PTPRO: variants seen among roughly 807,000 people sequenced by gnomAD.
The protein encoded by PTPRO is receptor-type tyrosine-protein phosphatase O.
In PTPRO, 62 loss-of-function variants were observed where a neutral mutation model predicts 145.2. The observed-to-expected ratio is 0.43, with a 90% CI of 0.35 to 0.53. The LOEUF (loss-of-function observed/expected upper bound fraction) is 0.53, where lower values mean the gene tolerates loss of function less well. Among genes scored for constraint, PTPRO ranks in the 20% least tolerant of loss-of-function variants. PTPRO has a pLI of 0.01. For synonymous variants in PTPRO, 565 were observed against 514.7 expected (o/e 1.10, Z -1.32); for missense variants, 1,345 against 1,482.7 (o/e 0.91, Z 1.53).
intron 12 of PTPRO, among the ~76,000 whole-genome samples, chr12:15,541,766 C>T (rs1943184576): frequency 1.3e-5 from 2 of 152,148 alleles, no homozygotes; most frequent in African/African-American, 4.8e-5. Flanking sequence ...AATCCCAAAA[C>T]TTTGGGTGGC....
chr12:15,380,704 C>A (rs1938833431), intron 1 of PTPRO, among the ~76,000 whole-genome samples: 1 of 152,070 alleles, frequency 6.6e-6, no homozygotes, highest in African/African-American at 2.4e-5. Context: ...TAAATGTCAC[C>A]AATAGAACTA....
At chr12:15,338,378 A>G (rs1231085257) in intron 1 of PTPRO, among the ~76,000 whole-genome samples, 2 of 152,228 alleles carry the variant, frequency 1.3e-5, no homozygotes, top group Non-Finnish European at 2.9e-5. Context: ...AACAATAACT[A>G]CAATTGCAGG....
intron 10 of PTPRO, among the ~76,000 whole-genome samples, chr12:15,522,722 CTCAA>C: frequency 6.6e-6 from 1 of 152,194 alleles, no homozygotes; most frequent in South Asian, 2.1e-4. Flanking sequence ...TTGGCTAGCC[CTCAA>C]TCATAGTAAT....
intron 1 of PTPRO, among the ~76,000 whole-genome samples, chr12:15,432,100 G>T (rs556827676): frequency 2.0e-5 from 3 of 152,126 alleles, no homozygotes; most frequent in Admixed American, 2.0e-4. Context: ...CATCATCCAG[G>T]TATTATAATC....
intron 2 of PTPRO, among the ~76,000 whole-genome samples, chr12:15,485,655 T>G (rs1162330569): frequency 1.3e-5 from 2 of 152,160 alleles, no homozygotes; most frequent in Non-Finnish European, 2.9e-5. Context: ...TTTATGAGCA[T>G]GCACTCAGCC....
intron 1 of PTPRO, among the ~76,000 whole-genome samples, chr12:15,380,518 T>C (rs1459600810): frequency 6.6e-6 from 1 of 152,078 alleles, no homozygotes; most frequent in Non-Finnish European, 1.5e-5. Context: ...TTAAAAGACA[T>C]ATTGGGCCAA....
rs1291257758 is a variant in PTPRO at position 15,546,651 on chromosome 12, T to G, written c.2247T>G (p.Ala749=). 1 of 1,614,000 alleles carries G rather than the reference T, an allele frequency of 6.2e-7. No individual in the cohort carries two copies. The highest frequency in any genetic ancestry group is 1.7e-5 in the Admixed American group (1 of 60,016). Reference sequence around the variant, plus strand: ...TGCTGTGGGTGGAAGAGGGAGTAGCTGATTTCTTTGAAGTTTTCTGTCAAC... The same window carrying G: ...TGCTGTGGGTGGAAGAGGGAGTAGCGGATTTCTTTGAAGTTTTCTGTCAAC... ...VTLLWVEEGV[A]DFFEVFCQQV... Residue 749 remains alanine (A), a synonymous_variant, in exon 13 of 27, where the codon GCT becomes GCG. Transcript: ENST00000281171.
chr12:15,349,284 A>T (rs899906925), intron 1 of PTPRO, among the ~76,000 whole-genome samples: 1 of 152,222 alleles, frequency 6.6e-6, no homozygotes, highest in Non-Finnish European at 1.5e-5. Context: ...GGTACGATTT[A>T]GTACCATGTT....
chr12:15,416,305 TTCTC>T (rs1010264179), intron 1 of PTPRO, among the ~76,000 whole-genome samples: 2 of 144,520 alleles, frequency 1.4e-5, no homozygotes, highest in Admixed American at 7.0e-5. Flanking sequence ...TGGTTCCTCT[TTCTC>T]TCTCTCTCTC....
At position 15,322,794 on chromosome 12, in the gene PTPRO, T is replaced by C. The variant is rs373358416; in HGVS notation, c.68T>C (p.Leu23Pro). 7 of 1,612,420 alleles carry C rather than the reference T, an allele frequency of 4.3e-6. No homozygotes were observed. Among genetic ancestry groups the C allele is most frequent in the Non-Finnish European group, 5.9e-6 (7 of 1,179,444 alleles). ...RLLPLLWLFVLFKNATAFHVT... is the reference protein window; with the variant it reads ...RLLPLLWLFVPFKNATAFHVT... ...CTGCCTCTGCTCTGGCTCTTTGTGC[T>C]GTTCAAGGTAGGGGAGCTCCTCCAC... Residue 23 changes from leucine (L) to proline (P), a missense_variant, in exon 1 of 27, where the codon CTG becomes CCG. By Grantham distance (98) the Leu-to-Pro change is moderately conservative. Around this residue, in one of 3 missense-constraint regions of PTPRO, gnomAD observed 1,130 missense variants for 1,214.7 expected, o/e 0.93. Transcript: ENST00000281171. This position sits in a 1 kb window ranked among gnomAD's most constrained non-coding sequence, Gnocchi z 6.3.
intron 1 of PTPRO, among the ~76,000 whole-genome samples, chr12:15,324,386 T>C (rs1866386759): frequency 1.3e-5 from 2 of 152,202 alleles, no homozygotes; most frequent in African/African-American, 4.8e-5. Context: ...GGTAAGGTTT[T>C]GCAATTAAAA....
At chr12:15,461,228 C>T (rs1941293348) in intron 1 of PTPRO, among the ~76,000 whole-genome samples, 1 of 152,150 alleles carries the variant, frequency 6.6e-6, no homozygotes, top group Non-Finnish European at 1.5e-5. Context: ...TTTACATAAA[C>T]TCAACCAATT....
chr12:15,401,674 T>A (rs1267937152), intron 1 of PTPRO, among the ~76,000 whole-genome samples: 1 of 152,340 alleles, frequency 6.6e-6, no homozygotes, highest in East Asian at 1.9e-4. Context: ...TTTATTCATA[T>A]GAACTACACC....
Position 15,516,877 on chromosome 12 carries a change from A to G in PTPRO, c.1700A>G (p.Tyr567Cys). Reference protein sequence around the residue: ...VFRKYVVEMFYFNPATMTSEW... With the variant: ...VFRKYVVEMFCFNPATMTSEW... ...AGAAAATACGTGGTTGAAATGTTTTATTTCAACCCTGCTACAATGACATCA... is the reference window on the plus strand; with the variant it reads ...AGAAAATACGTGGTTGAAATGTTTTGTTTCAACCCTGCTACAATGACATCA... Residue 567 changes from tyrosine to cysteine, a missense_variant, in exon 9 of 27, where the codon TAT becomes TGT. Coordinates refer to ENST00000281171, the MANE Select transcript of PTPRO (RefSeq NM_030667.3). The G allele has an allele frequency of 1.2e-6, 2 of 1,613,758 alleles. No individual in the cohort carries two copies. Among genetic ancestry groups the G allele is most frequent in the South Asian group, 1.1e-5 (1 of 91,074 alleles).
intron 1 of PTPRO, among the ~76,000 whole-genome samples, chr12:15,470,887 C>T (rs1941524168): frequency 6.6e-6 from 1 of 152,170 alleles, no homozygotes; most frequent in Non-Finnish European, 1.5e-5. Flanking sequence ...TGGGGCAGAC[C>T]TGCCAATGTA....
At chr12:15,377,388 A>T (rs1938719930) in intron 1 of PTPRO, among the ~76,000 whole-genome samples, 1 of 152,122 alleles carries the variant, frequency 6.6e-6, no homozygotes, top group South Asian at 2.1e-4. Context: ...AAAGATTTTA[A>T]AAGTGATTCA....
rs1866341054 is a variant in PTPRO, at chr12:15,322,885, C to T, written c.75+84C>T. 7.0e-7 allele frequency: 1 copy of T among 1,426,912 alleles called. No individual in the cohort carries two copies. The highest frequency in any genetic ancestry group is 2.5e-5 in the East Asian group (1 of 40,016). The allele number at this position is 1,426,912 out of a possible 1,614,324, so 88.4% of individuals were successfully genotyped here. Reference sequence around the variant, plus strand: ...GCCCTCGCTCTGCCGTTGGGAGCGGCGCGCCCCAGGGCACGATGGCCCAGC... The same window carrying T: ...GCCCTCGCTCTGCCGTTGGGAGCGGTGCGCCCCAGGGCACGATGGCCCAGC... On this transcript the variant is annotated intron_variant, in intron 1 of 26. Transcript: ENST00000281171. This position sits in a 1 kb window ranked among gnomAD's most constrained non-coding sequence, Gnocchi z 6.3.
At chr12:15,425,800 AT>A (rs1278585528) in intron 1 of PTPRO, among the ~76,000 whole-genome samples, 3 of 152,060 alleles carry the variant, frequency 2.0e-5, no homozygotes, top group African/African-American at 7.2e-5. Context: ...CACTAATACC[AT>A]ACATTGCTCT....
intron 1 of PTPRO, among the ~76,000 whole-genome samples, chr12:15,335,442 T>C (rs1487606950): frequency 2.0e-5 from 3 of 152,132 alleles, no homozygotes; most frequent in Non-Finnish European, 4.4e-5. Context: ...ATAAACATAG[T>C]GAGGAGATGT....
Sources: gnomAD v4.1 joint callset for allele counts (sites outside exome capture counted in the v4.1 genomes callset) on GRCh38, gnomAD v4.1.1 for gene constraint, gnomAD v4.1.1 regional missense constraint, Gnocchi (gnomAD v3.1) non-coding constraint, MANE v1.5 for transcripts, NCBI Gene and HGNC (gene_info 2026-07-23, HGNC 2026-07-21) for gene names.